The following ANKRD62 variants were observed in gnomAD, a reference collection of about 807,000 sequenced individuals.
ANKRD62 encodes the protein ankyrin repeat domain-containing protein 62.
A neutral mutation model predicts 98.8 loss-of-function variants in ANKRD62; 61 were observed. The observed-to-expected ratio is 0.62, with a 90% CI of 0.50 to 0.76. The LOEUF (loss-of-function observed/expected upper bound fraction) is 0.76, where lower values mean the gene tolerates loss of function less well. ANKRD62 is among the 30% of genes least tolerant of loss of function. ANKRD62 has a pLI of 0.00. For synonymous variants in ANKRD62, 341 were observed against 367.9 expected (o/e 0.93, Z 0.84); for missense variants, 933 against 1,082.9 (o/e 0.86, Z 1.94).
chr18:12,132,566 G>A (rs1032413475), downstream of ANKRD62, among the ~76,000 whole-genome samples: 80 of 152,110 alleles, frequency 5.3e-4, no homozygotes, highest in Non-Finnish European at 3.8e-4. Flanking sequence ...CGATCTTCGG[G>A]GAAAGCATTC....
the ANKRD62 span, among the ~76,000 whole-genome samples, chr18:12,158,690 A>AC: frequency 7.6e-6 from 1 of 132,402 alleles, no homozygotes; most frequent in Middle Eastern, 3.7e-3. Flanking sequence ...TGCCTGGCTA[A>AC]TTTTTTTTTT....
At chr18:12,141,717 C>T in the ANKRD62 span, among the ~76,000 whole-genome samples, 4 of 82,884 alleles carry the variant, frequency 4.8e-5, no homozygotes, top group East Asian at 3.0e-4. Context: ...CTTAGGAGGA[C>T]GTATGGCACT....
the ANKRD62 span, among the ~76,000 whole-genome samples, chr18:12,137,049 T>C: frequency 6.6e-6 from 1 of 152,196 alleles, no homozygotes; most frequent in Non-Finnish European, 1.5e-5. Flanking sequence ...TTCCTTCTCC[T>C]GCCTGATTGC....
intron 11 of ANKRD62, among the ~76,000 whole-genome samples, chr18:12,123,346 C>G (rs1296597910): frequency 6.6e-6 from 1 of 152,094 alleles, no homozygotes; most frequent in Non-Finnish European, 1.5e-5. Context: ...AGCAACCACG[C>G]CTGGCCCAGT....
intron 7 of ANKRD62, among the ~76,000 whole-genome samples, chr18:12,104,431 A>G (rs540804138): frequency 5.3e-5 from 8 of 152,236 alleles, no homozygotes; most frequent in Admixed American, 5.2e-4. Context: ...TTCCACTTTC[A>G]CATCTGCAAA....
the ANKRD62 span, among the ~76,000 whole-genome samples, chr18:12,155,840 T>G: frequency 6.6e-6 from 1 of 152,148 alleles, no homozygotes; most frequent in Admixed American, 6.5e-5. Context: ...TTCCTTCAGA[T>G]AGACATTGGG....
Position 12,093,897 on chromosome 18 carries a change from C to T in ANKRD62, c.-121C>T, listed in dbSNP as rs992956876. On this transcript the variant is annotated 5_prime_UTR_variant, in exon 1 of 14. It adds an upstream start codon to the 5' untranslated region. Coordinates refer to ENST00000587848, the MANE Select transcript of ANKRD62 (RefSeq NM_001277333.2). ...CAGCTGGAGACTGGAGTGTCCCTGA[C>T]GGAGGTTGCGGCTGGACCTGGTTAC... 3.4e-6 allele frequency: 3 copies of T among 887,160 alleles called. No homozygotes were observed. The highest frequency in any genetic ancestry group is 5.3e-5 in the East Asian group (2 of 37,526). 55.0% of individuals were successfully genotyped at this position (887,160 alleles called of 1,614,324 possible).
At chr18:12,116,406 T>C (rs910274959) in intron 10 of ANKRD62, among the ~76,000 whole-genome samples, 1 of 152,238 alleles carries the variant, frequency 6.6e-6, no homozygotes, top group East Asian at 1.9e-4. Flanking sequence ...TGACTAAACA[T>C]GTTCACCTCA....
chr18:12,172,792 C>G, the ANKRD62 span, among the ~76,000 whole-genome samples: 1 of 152,214 alleles, frequency 6.6e-6, no homozygotes, highest in African/African-American at 2.4e-5. Context: ...TTTACCCACT[C>G]AAGCCTCAGC....
the ANKRD62 span, among the ~76,000 whole-genome samples, chr18:12,134,866 A>G: frequency 6.6e-6 from 1 of 152,174 alleles, no homozygotes; most frequent in Non-Finnish European, 1.5e-5. Context: ...AGCATGATTT[A>G]TAATCCTTTG....
At chr18:12,170,257 G>T in the ANKRD62 span, among the ~76,000 whole-genome samples, 2 of 152,118 alleles carry the variant, frequency 1.3e-5, no homozygotes, top group East Asian at 3.9e-4. Flanking sequence ...GCTTTCTCTT[G>T]TGGGCATTTA....
chr18:12,181,214 T>C, the ANKRD62 span, among the ~76,000 whole-genome samples: 1 of 152,068 alleles, frequency 6.6e-6, no homozygotes, highest in Non-Finnish European at 1.5e-5. Flanking sequence ...TTGAAGTATG[T>C]GATGAATAAA....
chr18:12,150,092 A>G, the ANKRD62 span, among the ~76,000 whole-genome samples: 1 of 152,276 alleles, frequency 6.6e-6, no homozygotes, highest in African/African-American at 2.4e-5. Flanking sequence ...CATAGGAAAA[A>G]AAAACACCAC....
At chr18:12,124,559 G>T (rs192177275) in intron 12 of ANKRD62, among the ~76,000 whole-genome samples, 1 of 152,196 alleles carries the variant, frequency 6.6e-6, no homozygotes, top group East Asian at 1.9e-4. Flanking sequence ...GTGATATTTT[G>T]TTGGTAAGTA....
At chr18:12,137,778 G>C in the ANKRD62 span, among the ~76,000 whole-genome samples, 190 of 152,188 alleles carry the variant, frequency 1.2e-3, 1 homozygote, top group Non-Finnish European at 1.7e-3. Context: ...TCTTGGGAGA[G>C]TGTATGTGTT....
chr18:12,152,727 A>G, the ANKRD62 span, among the ~76,000 whole-genome samples: 2 of 152,262 alleles, frequency 1.3e-5, no homozygotes, highest in South Asian at 4.1e-4. Flanking sequence ...GGAAGCCCTC[A>G]CCAGAGCAAT....
At chr18:12,154,205 A>G in the ANKRD62 span, among the ~76,000 whole-genome samples, 1 of 152,254 alleles carries the variant, frequency 6.6e-6, no homozygotes, top group Non-Finnish European at 1.5e-5. Context: ...TATGAATCTG[A>G]CAAAGCTCTA....
chr18:12,111,826 A>G (rs1731188074), intron 8 of ANKRD62, among the ~76,000 whole-genome samples: 1 of 152,158 alleles, frequency 6.6e-6, no homozygotes, highest in African/African-American at 2.4e-5. Flanking sequence ...ACAACAACAT[A>G]AAAACCTAGG....
chr18:12,130,297 T>C (rs1477421815), downstream of ANKRD62, among the ~76,000 whole-genome samples: 2 of 152,108 alleles, frequency 1.3e-5, no homozygotes, highest in African/African-American at 2.4e-5. Flanking sequence ...ATTTATATGA[T>C]TTAAAAAAAA....
Sources: allele counts gnomAD v4.1 joint callset (sites outside exome capture counted in the v4.1 genomes callset), GRCh38; gene constraint gnomAD v4.1.1; transcripts MANE v1.5; gene names NCBI Gene and HGNC (gene_info 2026-07-23, HGNC 2026-07-21).